ZFPM2: variants seen among roughly 807,000 people sequenced by gnomAD.
ZFPM2 encodes the protein zinc finger protein ZFPM2.
A neutral mutation model predicts 98.6 loss-of-function variants in ZFPM2; 20 were observed. That is an observed-to-expected ratio of 0.20 (90% CI 0.14 to 0.29). The LOEUF is 0.29. Ranked by LOEUF, ZFPM2 falls within the 10% of genes least tolerant of loss-of-function variation. The probability of loss-of-function intolerance (pLI) is 1.00; values close to 1 mark genes in which losing one functional copy is unlikely to be tolerated. For synonymous variants in ZFPM2, 518 were observed against 502.7 expected (o/e 1.03, Z -0.41); for missense variants, 1,310 against 1,388.6 (o/e 0.94, Z 0.90).
At chr8:105,607,818 T>A (rs1323325958) in intron 4 of ZFPM2, among the ~76,000 whole-genome samples, 1 of 152,136 alleles carries the variant, frequency 6.6e-6, no homozygotes, top group African/African-American at 2.4e-5. Flanking sequence ...ATTTAATATA[T>A]CCTAATATGT....
At chr8:105,625,806 C>T (rs1247902006) in intron 4 of ZFPM2, among the ~76,000 whole-genome samples, 3 of 151,946 alleles carry the variant, frequency 2.0e-5, no homozygotes, top group Non-Finnish European at 4.4e-5. Flanking sequence ...TGGTCTCGAA[C>T]TCCTGACCTC....
At chr8:105,523,277 T>A (rs754279428) in intron 3 of ZFPM2, among the ~76,000 whole-genome samples, 1 of 152,206 alleles carries the variant, frequency 6.6e-6, no homozygotes. Context: ...TACATCCATA[T>A]TGTGTGAGAC....
intron 7 of ZFPM2, among the ~76,000 whole-genome samples, chr8:105,799,371 C>G (rs1327677099): frequency 6.6e-6 from 1 of 152,136 alleles, no homozygotes; most frequent in Non-Finnish European, 1.5e-5. Flanking sequence ...TAAAGCTACT[C>G]TATTGATAGA....
chr8:105,747,578 C>T (rs573474185), intron 5 of ZFPM2, among the ~76,000 whole-genome samples: 11 of 152,062 alleles, frequency 7.2e-5, no homozygotes, highest in Non-Finnish European at 1.5e-4. Flanking sequence ...ATCCCATCCT[C>T]TGGCCATATT....
rs545226646 is a variant in ZFPM2 at position 105,685,539 on chromosome 8, A to AT, written c.532+51188dup. On this transcript the variant is annotated intron_variant, in intron 5 of 7. Transcript: ENST00000407775. ...ATTGCTTTTTTTTTAAACACAAGTG[A>AT]TTTTTTATGACACTTTATGAGGAAC... Among the ~76,000 whole-genome samples the AT allele has an allele frequency of 3.9e-5, 6 of 152,086 alleles. No homozygotes were observed. The South Asian group carries it at 8.3e-4, about 21-fold the overall frequency.
intron 2 of ZFPM2, among the ~76,000 whole-genome samples, chr8:105,440,363 G>GT (rs1052261424): frequency 1.7e-4 from 25 of 147,266 alleles, no homozygotes; most frequent in Middle Eastern, 3.6e-3. Flanking sequence ...TACATTTTTG[G>GT]TTTTTTTTTT....
At chr8:105,625,135 C>T (rs888864306) in intron 4 of ZFPM2, among the ~76,000 whole-genome samples, 4 of 152,220 alleles carry the variant, frequency 2.6e-5, no homozygotes, top group African/African-American at 4.8e-5. Context: ...TAGTGGTTCT[C>T]GTTATAGGAT....
At chr8:105,748,565 C>T (rs938197799) in intron 5 of ZFPM2, among the ~76,000 whole-genome samples, 1 of 151,888 alleles carries the variant, frequency 6.6e-6, no homozygotes, top group Non-Finnish European at 1.5e-5. Flanking sequence ...TATTGAGGGT[C>T]GTTTGAAAGG....
chr8:105,681,677 T>C (rs997511820), intron 5 of ZFPM2, among the ~76,000 whole-genome samples: 1 of 152,152 alleles, frequency 6.6e-6, no homozygotes, highest in Non-Finnish European at 1.5e-5. Flanking sequence ...CACCAGGCAT[T>C]GAATAACAGT....
chr8:105,400,979 A>C (rs948730815), intron 1 of ZFPM2, among the ~76,000 whole-genome samples: 1 of 151,964 alleles, frequency 6.6e-6, no homozygotes, highest in Non-Finnish European at 1.5e-5. Context: ...AGTTTCTAAA[A>C]ATTCCCCAAG....
At chr8:105,537,819 C>T (rs922978268) in intron 3 of ZFPM2, among the ~76,000 whole-genome samples, 11 of 152,056 alleles carry the variant, frequency 7.2e-5, no homozygotes, top group African/African-American at 2.7e-4. Context: ...CAACCTCCAC[C>T]TCCTGGATTC....
intron 5 of ZFPM2, among the ~76,000 whole-genome samples, chr8:105,751,311 C>G (rs538735589): frequency 6.6e-6 from 1 of 152,206 alleles, no homozygotes; most frequent in African/African-American, 2.4e-5. Flanking sequence ...ATAACTGATA[C>G]TAGAAACTAA....
intron 5 of ZFPM2, among the ~76,000 whole-genome samples, chr8:105,731,991 A>G (rs907024266): frequency 5.9e-5 from 9 of 151,796 alleles, no homozygotes; most frequent in African/African-American, 2.2e-4. Context: ...AATAAGGTAT[A>G]CTAAATGAAC....
chr8:105,480,108 G>A (rs1159212276), intron 3 of ZFPM2, among the ~76,000 whole-genome samples: 5 of 152,056 alleles, frequency 3.3e-5, no homozygotes, highest in South Asian at 2.1e-4. Context: ...TTGTTTTCTT[G>A]CCATTGCTTT....
chr8:105,370,309 AT>A (rs748783416), intron 1 of ZFPM2, among the ~76,000 whole-genome samples: 10 of 152,166 alleles, frequency 6.6e-5, no homozygotes, highest in Non-Finnish European at 8.8e-5. Flanking sequence ...ATGGATAGAC[AT>A]TTTTTAAGGG....
chr8:105,397,126 AT>A (rs1811239066), intron 1 of ZFPM2, among the ~76,000 whole-genome samples: 2 of 152,050 alleles, frequency 1.3e-5, no homozygotes, highest in Admixed American at 1.3e-4. Flanking sequence ...CATTAGTTGT[AT>A]TTTTCTCACA....
At chr8:105,726,558 G>T (rs57566398) in intron 5 of ZFPM2, among the ~76,000 whole-genome samples, 1,680 of 151,766 alleles carry the variant, frequency 0.011, 34 homozygotes, top group African/African-American at 0.037. Context: ...CAGACGCTTC[G>T]TTTGTTTGTG....
chr8:105,569,221 C>T (rs1320501003), intron 4 of ZFPM2, among the ~76,000 whole-genome samples: 1 of 152,174 alleles, frequency 6.6e-6, no homozygotes, highest in African/African-American at 2.4e-5. Flanking sequence ...TATTTTTTAT[C>T]TTTCTATCCT....
At position 105,804,466 on chromosome 8, in the gene ZFPM2, T is replaced by C. The variant is rs1814143142; in HGVS notation, c.*928T>C. The C allele has an allele frequency of 6.6e-6, 1 of 152,616 alleles. No homozygotes were observed. The highest frequency in any genetic ancestry group is 2.4e-5 in the African/African-American group (1 of 41,458). 9.5% of individuals were successfully genotyped at this position (152,616 alleles called of 1,614,324 possible). On this transcript the variant is annotated 3_prime_UTR_variant, in exon 8 of 8. Transcript: ENST00000407775. ...CACAAAGATAATGTTCTACTTCTGATAGAAATAATTTCTCAACAAATGTTG... is the reference window on the plus strand; with the variant it reads ...CACAAAGATAATGTTCTACTTCTGACAGAAATAATTTCTCAACAAATGTTG...
Sources: allele counts gnomAD v4.1 joint callset (sites outside exome capture counted in the v4.1 genomes callset), GRCh38; gene constraint gnomAD v4.1.1; transcripts MANE v1.5; gene names NCBI Gene and HGNC (gene_info 2026-07-23, HGNC 2026-07-21).